Variants in WDR76 observed in about 807,000 individuals in gnomAD.
WDR76 encodes the protein WD repeat domain 76, also known as WD repeat-containing protein 76.
In WDR76, 52 loss-of-function variants were observed where a neutral mutation model predicts 70.2. The ratio of observed to expected loss-of-function variants is 0.74; its 90% confidence interval spans 0.59 to 0.93. The LOEUF (loss-of-function observed/expected upper bound fraction) is 0.93. WDR76 is among the 40% of genes least tolerant of loss of function. The probability of loss-of-function intolerance (pLI) is 0.00; values close to 1 mark genes in which losing one functional copy is unlikely to be tolerated. For missense variants in WDR76, 756 were observed against 760.2 expected (o/e 0.99, Z 0.07); for synonymous variants, 292 against 271.1 (o/e 1.08, Z -0.76).
At chr15:43,857,530 A>G (rs768781124) in intron 10 of WDR76, 1 of 985,406 alleles carries the variant, frequency 1.0e-6, no homozygotes, top group Non-Finnish European at 1.2e-6. Flanking sequence ...ACCAACTAGA[A>G]ACTTGACAGC....
chr15:43,838,163 G>T (rs1289162463), intron 4 of WDR76, among the ~76,000 whole-genome samples: 1 of 151,940 alleles, frequency 6.6e-6, no homozygotes, highest in African/African-American at 2.4e-5. Flanking sequence ...GTGAGCCACT[G>T]TGCCCAGCCT....
Position 43,842,512 on chromosome 15 carries a change from G to A in WDR76, c.830G>A (p.Ser277Asn). ...KGFLHTWAGMSKPSSKNTEKG... is the reference protein window; with the variant it reads ...KGFLHTWAGMNKPSSKNTEKG... ...TTTCTGCACACATGGGCAGGAATGA[G>A]CAAGGTATCACTTGGGAAGGCCAAT... The change falls in exon 6 of 13, where the codon AGC (serine) becomes AAC (asparagine). Residue 277 changes from serine (S) to asparagine (N), a missense_variant. Physicochemically the swap from Ser to Asn is conservative, Grantham distance 46 (BLOSUM62 1). Transcript: ENST00000263795. 3 of 1,613,630 alleles carry A rather than the reference G, an allele frequency of 1.9e-6. No homozygotes were observed. Among genetic ancestry groups the A allele is most frequent in the Non-Finnish European group, 2.5e-6 (3 of 1,179,780 alleles).
chr15:43,865,029 A>G (rs904235533), intron 12 of WDR76, among the ~76,000 whole-genome samples: 7 of 152,124 alleles, frequency 4.6e-5, no homozygotes, highest in Non-Finnish European at 1.0e-4. Context: ...GGTTCAAGCA[A>G]TTCTGCCTCA....
intron 11 of WDR76, among the ~76,000 whole-genome samples, chr15:43,860,235 A>T (rs947708415): frequency 6.6e-6 from 1 of 152,204 alleles, no homozygotes; most frequent in Non-Finnish European, 1.5e-5. Context: ...TCAGAATGAG[A>T]CGTTGTCTCT....
Position 43,858,673 on chromosome 15 carries a change from A to C in WDR76, c.1412A>C (p.Asp471Ala), listed in dbSNP as rs749488570. 6.2e-7 allele frequency: 1 copy of C among 1,613,772 alleles called. No homozygotes were observed. The highest frequency in any genetic ancestry group is 1.1e-5 in the South Asian group (1 of 90,990). ...GATCATTGTTTCTCCCATTACAGGG[A>C]TACTCATATTTATGATGCAAGGCGA... ...RQYFITAGLR[D>A]THIYDARRLN... The change falls in exon 11 of 13, where the codon GAT (aspartate) becomes GCT (alanine). Residue 471 changes from aspartate (D) to alanine (A), a missense_variant and splice_region_variant. By Grantham distance (126) the Asp-to-Ala change is moderately radical. Transcript: ENST00000263795.
At chr15:43,862,517 GT>G (rs571779112) in intron 12 of WDR76, among the ~76,000 whole-genome samples, 1 of 137,544 alleles carries the variant, frequency 7.3e-6, no homozygotes, top group East Asian at 2.1e-4. Context: ...TTGTTTTTTT[GT>G]TTTTTTTTGA....
intron 1 of WDR76, 97 bp downstream of exon 1, chr15:43,827,189 C>T (rs1567179948): frequency 2.0e-6 from 3 of 1,526,718 alleles, no homozygotes; most frequent in East Asian, 2.3e-5. Context: ...GCACCTGGCA[C>T]CGGGGGTAGG....
chr15:43,845,594 G>T (rs1370310112), intron 8 of WDR76, among the ~76,000 whole-genome samples: 2 of 150,332 alleles, frequency 1.3e-5, no homozygotes, highest in Non-Finnish European at 3.0e-5. Flanking sequence ...TCAGTTTATG[G>T]TATGTTGTTT....
chr15:43,827,391 C>T (rs1213888438), intron 1 of WDR76, among the ~76,000 whole-genome samples: 1 of 152,118 alleles, frequency 6.6e-6, no homozygotes, highest in Non-Finnish European at 1.5e-5. Context: ...GGGTATTTGC[C>T]CCAGTCACAA....
chr15:43,862,896 G>A (rs1380874124), intron 12 of WDR76, among the ~76,000 whole-genome samples: 2 of 151,880 alleles, frequency 1.3e-5, no homozygotes, highest in African/African-American at 4.8e-5. Context: ...ACCCACCTTG[G>A]CCTCCCAAAG....
chr15:43,862,309 T>TA (rs2088010774), intron 12 of WDR76, among the ~76,000 whole-genome samples: 2 of 56,110 alleles, frequency 3.6e-5, no homozygotes, highest in African/African-American at 3.0e-4. Flanking sequence ...AGGTCCACAA[T>TA]TTTTTTTTTT....
At chr15:43,853,820 C>G (rs1362248006) in intron 9 of WDR76, among the ~76,000 whole-genome samples, 1 of 151,006 alleles carries the variant, frequency 6.6e-6, no homozygotes, top group African/African-American at 2.4e-5. Flanking sequence ...GCAGGAGAAT[C>G]GCTTGAACCC....
Position 43,866,435 on chromosome 15 carries a change from T to C in WDR76, c.*43T>C, listed in dbSNP as rs1224028777. ...ATCAATTTGTTCAAATTGACCACTG[T>C]CTAAGGAGCCTAGTAATCGGCGTGC... On this transcript the variant is annotated 3_prime_UTR_variant, in exon 13 of 13. Transcript: ENST00000263795. The C allele has an allele frequency of 6.2e-7, 1 of 1,604,912 alleles. No homozygotes were observed. Among genetic ancestry groups the C allele is most frequent in the African/African-American group, 1.3e-5 (1 of 74,562 alleles).
Position 43,828,253 on chromosome 15 carries a change from C to A in WDR76, c.349C>A (p.His117Asn), listed in dbSNP as rs766486152. The A allele has an allele frequency of 3.1e-6, 5 of 1,614,176 alleles. No individual in the cohort carries two copies. The South Asian group carries it at 5.5e-5, about 18-fold the overall frequency. Residue 117 changes from histidine (H) to asparagine (N), a missense_variant, in exon 2 of 13, where the codon CAT becomes AAT. Coordinates refer to ENST00000263795, the MANE Select transcript of WDR76 (RefSeq NM_024908.4). ...STLQNSSSAV[H>N]TESNKLQPKR... ...GCTGCAAAATTCATCCTCAGCTGTT[C>A]ATACTGAAAGTAACAAGCTACAACC...
intron 10 of WDR76, 30 bp downstream of exon 10, chr15:43,857,193 G>C (rs1004138692): frequency 1.3e-6 from 2 of 1,565,886 alleles, no homozygotes; most frequent in Non-Finnish European, 8.7e-7. Flanking sequence ...TTATGACTTA[G>C]ACCTTTTAAT....
At position 43,828,155 on chromosome 15, in the gene WDR76, C is replaced by G. The variant is rs199710070; in HGVS notation, c.251C>G (p.Thr84Ser). ...NSNNEVACKK[T>S]KIKKTCRRII... is the part of the protein sequence containing the mutation. ...AACAATGAAGTGGCGTGTAAGAAGACTAAAATAAAGAAAACTTGCAGAAGG... is the reference window on the plus strand; with the variant it reads ...AACAATGAAGTGGCGTGTAAGAAGAGTAAAATAAAGAAAACTTGCAGAAGG... The change falls in exon 2 of 13, where the codon ACT (threonine) becomes AGT (serine). Residue 84 changes from threonine (T) to serine (S), a missense_variant. Physicochemically the swap from Thr to Ser is moderately conservative, Grantham distance 58 (BLOSUM62 1). Transcript: ENST00000263795. The G allele has an allele frequency of 1.2e-4, 195 of 1,613,980 alleles. No homozygotes were observed. The highest frequency in any genetic ancestry group is 1.5e-4 in the Non-Finnish European group (182 of 1,179,996).
chr15:43,828,916 T>G (rs1437108252), intron 2 of WDR76, among the ~76,000 whole-genome samples: 2 of 151,906 alleles, frequency 1.3e-5, no homozygotes, highest in African/African-American at 4.8e-5. Flanking sequence ...TTTTTTTTTT[T>G]TTTGGAGACA....
At chr15:43,839,539 T>G in intron 4 of WDR76, 66 bp from the exon 5 acceptor site, 1 of 1,500,282 alleles carries the variant, frequency 6.7e-7, no homozygotes, top group African/African-American at 1.4e-5. Flanking sequence ...AAGTTATCTC[T>G]TTAGTATTAG....
At chr15:43,844,108 G>A (rs549777072) in intron 8 of WDR76, 54 bp downstream of exon 8, 35 of 1,555,006 alleles carry the variant, frequency 2.3e-5, no homozygotes, top group Admixed American at 5.4e-5. Flanking sequence ...CAAATAGGCT[G>A]GAAGAGAATA....
Sources: allele counts gnomAD v4.1 joint callset (sites outside exome capture counted in the v4.1 genomes callset), GRCh38; gene constraint gnomAD v4.1.1; transcripts MANE v1.5; gene names NCBI Gene and HGNC (gene_info 2026-07-23, HGNC 2026-07-21).